ABCA13: variants seen among roughly 807,000 people sequenced by gnomAD.
The protein encoded by ABCA13 is ATP binding cassette subfamily A member 13, also known as ATP-binding cassette sub-family A member 13.
A neutral mutation model predicts 478.7 loss-of-function variants in ABCA13; 476 were observed. That is an observed-to-expected ratio of 0.99 (90% CI 0.92 to 1.07). The LOEUF (loss-of-function observed/expected upper bound fraction) is 1.07, where lower values mean the gene tolerates loss of function less well. Ranked by LOEUF, ABCA13 falls within the 50% of genes least tolerant of loss-of-function variation. The pLI is 0.00. For missense variants in ABCA13, 6,060 were observed against 5,910.6 expected (o/e 1.03, Z -0.83); for synonymous variants, 2,252 against 2,158.9 (o/e 1.04, Z -1.20).
chr7:48,219,883 A>ACACAC (rs1787102645), intron 4 of ABCA13, among the ~76,000 whole-genome samples: 3 of 126,510 alleles, frequency 2.4e-5, no homozygotes, highest in Admixed American at 8.0e-5. Context: ...ACCTTCCCCA[A>ACACAC]ACACACACAC....
At chr7:48,252,292 A>G (rs1020650760) in intron 15 of ABCA13, among the ~76,000 whole-genome samples, 14 of 151,928 alleles carry the variant, frequency 9.2e-5, no homozygotes, top group Admixed American at 7.9e-4. Context: ...AAATTCAGTT[A>G]TTCTATTTTT....
intron 11 of ABCA13, among the ~76,000 whole-genome samples, chr7:48,245,050 G>A (rs1226760674): frequency 6.6e-6 from 1 of 152,204 alleles, no homozygotes; most frequent in Admixed American, 6.5e-5. Flanking sequence ...TTGTGAATAA[G>A]CGTATCTTTT....
chr7:48,245,728 T>G (rs1791564428), intron 12 of ABCA13, 116 bp downstream of exon 12: 1 of 1,426,958 alleles, frequency 7.0e-7, no homozygotes, highest in Non-Finnish European at 9.5e-7. Context: ...GGGAACAATA[T>G]GCAGGTTTTT....
chr7:48,326,827 T>G (rs1804400832), intron 27 of ABCA13, among the ~76,000 whole-genome samples: 1 of 152,188 alleles, frequency 6.6e-6, no homozygotes, highest in Non-Finnish European at 1.5e-5. Context: ...GACAAGGGCA[T>G]GGGGAAGACT....
Position 48,279,853 on chromosome 7 carries a change from G to A in ABCA13, c.8659G>A (p.Glu2887Lys). ...TAGTTTCAAACCATTTTTCTGTTTG[G>A]AGAAATACCTGGGAGGATTATTTGT... ...PYSFKPFFCL[E>K]KYLGGLFVLT... Residue 2887 changes from glutamate (E) to lysine (K), a missense_variant, in exon 18 of 62, where the codon GAG (glutamate) becomes AAG (lysine). Glu to Lys is a moderately conservative substitution (Grantham distance 56). Coordinates refer to ENST00000435803, the MANE Select transcript of ABCA13 (RefSeq NM_152701.5). 1 of 1,564,636 alleles carries A rather than the reference G, an allele frequency of 6.4e-7. No individual in the cohort carries two copies. Among genetic ancestry groups the A allele is most frequent in the Non-Finnish European group, 8.6e-7 (1 of 1,160,150 alleles).
chr7:48,330,505 A>ATCCATCCC (rs1190315003), intron 27 of ABCA13, among the ~76,000 whole-genome samples: 1 of 150,038 alleles, frequency 6.7e-6, no homozygotes, highest in Non-Finnish European at 1.5e-5. Flanking sequence ...CCATCCATCC[A>ATCCATCCC]TCCATCCATC....
chr7:48,438,113 G>A (rs997430938), intron 42 of ABCA13, among the ~76,000 whole-genome samples: 1 of 151,992 alleles, frequency 6.6e-6, no homozygotes, highest in African/African-American at 2.4e-5. Context: ...GCTGAATCAG[G>A]TAAAACAGAC....
At chr7:48,631,485 A>G (rs1794162017) in intron 59 of ABCA13, among the ~76,000 whole-genome samples, 1 of 151,950 alleles carries the variant, frequency 6.6e-6, no homozygotes, top group Non-Finnish European at 1.5e-5. Context: ...TTATTTCTGG[A>G]TTCTGTATTC....
At chr7:48,180,504 T>A (rs1480729604) in intron 1 of ABCA13, among the ~76,000 whole-genome samples, 1 of 152,174 alleles carries the variant, frequency 6.6e-6, no homozygotes, top group Non-Finnish European at 1.5e-5. Flanking sequence ...TACTGCAGCC[T>A]CCGCCTCCTG....
intron 20 of ABCA13, among the ~76,000 whole-genome samples, chr7:48,292,669 G>A (rs909709413): frequency 3.3e-5 from 5 of 152,162 alleles, no homozygotes; most frequent in East Asian, 3.9e-4. Flanking sequence ...TGCTGCTCCC[G>A]CACCTGCAGT....
At chr7:48,618,597 A>G in intron 59 of ABCA13, among the ~76,000 whole-genome samples, 1 of 152,202 alleles carries the variant, frequency 6.6e-6, no homozygotes, top group East Asian at 1.9e-4. Context: ...GGGCAGCTGG[A>G]AGGAAACCTG....
chr7:48,585,612 T>C (rs1789104626), intron 56 of ABCA13, among the ~76,000 whole-genome samples: 1 of 152,224 alleles, frequency 6.6e-6, no homozygotes, highest in South Asian at 2.1e-4. Context: ...ATTATCATTA[T>C]TGTTATTATC....
At chr7:48,488,231 G>T (rs971835598) in intron 47 of ABCA13, among the ~76,000 whole-genome samples, 1 of 150,560 alleles carries the variant, frequency 6.6e-6, no homozygotes, top group Non-Finnish European at 1.5e-5. Flanking sequence ...GTGTAGTAGG[G>T]TTTTGTTTTT....
At chr7:48,327,144 T>C (rs1482835303) in intron 27 of ABCA13, among the ~76,000 whole-genome samples, 1 of 152,202 alleles carries the variant, frequency 6.6e-6, no homozygotes, top group Admixed American at 6.5e-5. Context: ...TATGGGAAAC[T>C]GGGTAATTTA....
intron 52 of ABCA13, among the ~76,000 whole-genome samples, chr7:48,518,854 G>A (rs1200140734): frequency 6.6e-6 from 1 of 152,030 alleles, no homozygotes; most frequent in Non-Finnish European, 1.5e-5. Context: ...GGATATGCAG[G>A]TTTGTTCCAT....
intron 59 of ABCA13, among the ~76,000 whole-genome samples, chr7:48,631,831 A>G (rs1457471938): frequency 6.6e-6 from 1 of 151,998 alleles, no homozygotes; most frequent in Non-Finnish European, 1.5e-5. Context: ...TATTTGTGCC[A>G]TATATGATTT....
At chr7:48,394,076 G>A (rs961985199) in intron 38 of ABCA13, among the ~76,000 whole-genome samples, 5 of 152,204 alleles carry the variant, frequency 3.3e-5, no homozygotes, top group Admixed American at 6.5e-5. Flanking sequence ...TCCACATGGA[G>A]TGCTCCTTAG....
At chr7:48,551,138 GTT>G (rs201736135) in intron 55 of ABCA13, among the ~76,000 whole-genome samples, 21,127 of 151,066 alleles carry the variant, frequency 0.14, 2,001 homozygotes, top group African/African-American at 0.23. Context: ...TTTTTTGTTT[GTT>G]TTTGTATTGT....
At chr7:48,614,542 C>T (rs926914856) in intron 58 of ABCA13, among the ~76,000 whole-genome samples, 2 of 150,904 alleles carry the variant, frequency 1.3e-5, no homozygotes, top group African/African-American at 2.4e-5. Context: ...TGGGTATATA[C>T]CCAAAGGACT....
Sources: gnomAD v4.1 joint callset for allele counts (sites outside exome capture counted in the v4.1 genomes callset) on GRCh38, gnomAD v4.1.1 for gene constraint, MANE v1.5 for transcripts, NCBI Gene and HGNC (gene_info 2026-07-23, HGNC 2026-07-21) for gene names.